Variants in GALNTL6 observed in about 807,000 individuals in gnomAD.
GALNTL6 encodes polypeptide N-acetylgalactosaminyltransferase-like 6.
In GALNTL6, 46 loss-of-function variants were observed where a neutral mutation model predicts 73.7. The observed-to-expected ratio is 0.62, with a 90% CI of 0.49 to 0.80. GALNTL6 has a LOEUF of 0.80. GALNTL6 is among the 30% of genes least tolerant of loss of function. The pLI, the probability that GALNTL6 is intolerant of heterozygous loss-of-function variation, is 0.00. For synonymous variants in GALNTL6, 259 were observed against 263.7 expected (o/e 0.98, Z 0.17); for missense variants, 604 against 755.0 (o/e 0.80, Z 2.34).
rs139507643 is a variant in GALNTL6, at chr4:171,957,229, C to T, written c.138+142511C>T. Among the ~76,000 whole-genome samples, 69 of 152,208 alleles carry T rather than the reference C, an allele frequency of 4.5e-4. 1 individual carries two copies. The East Asian group carries it at 0.012, about 26-fold the overall frequency. ...GACAGATATGTAGGAACTTTATAAA[C>T]GTTAATTAAATCATGTTAAATTAAT... On this transcript the variant is annotated intron_variant, in intron 2 of 12. Coordinates refer to ENST00000506823, the MANE Select transcript of GALNTL6 (RefSeq NM_001034845.3).
At chr4:172,747,063 G>GA (rs1297373830) in intron 5 of GALNTL6, among the ~76,000 whole-genome samples, 2 of 151,892 alleles carry the variant, frequency 1.3e-5, no homozygotes, top group Non-Finnish European at 2.9e-5. Flanking sequence ...GAAAAAATAA[G>GA]AAAAAAGTCC....
At chr4:172,954,350 C>T (rs1749609958) in intron 10 of GALNTL6, among the ~76,000 whole-genome samples, 1 of 152,218 alleles carries the variant, frequency 6.6e-6, no homozygotes. Context: ...GTAGGCGATG[C>T]CAGTGTGTTT....
At chr4:172,182,277 G>T (rs1735272682) in intron 2 of GALNTL6, among the ~76,000 whole-genome samples, 1 of 152,044 alleles carries the variant, frequency 6.6e-6, no homozygotes, top group South Asian at 2.1e-4. Context: ...AACAAATGGA[G>T]TTCTGTTTTC....
chr4:172,828,179 G>A (rs1009962352), intron 7 of GALNTL6, among the ~76,000 whole-genome samples: 4 of 151,060 alleles, frequency 2.6e-5, no homozygotes, highest in Non-Finnish European at 5.9e-5. Flanking sequence ...GGCTGAGGTG[G>A]GAAAATTACT....
intron 5 of GALNTL6, among the ~76,000 whole-genome samples, chr4:172,753,172 A>G (rs1031708048): frequency 6.6e-6 from 1 of 152,100 alleles, no homozygotes; most frequent in Admixed American, 6.5e-5. Context: ...AGTAAGTCTC[A>G]TGAGATCTGA....
At position 172,070,822 on chromosome 4, in the gene GALNTL6, T is replaced by C. The variant is rs982490719; in HGVS notation, c.139-158834T>C. Among the ~76,000 whole-genome samples the C allele has an allele frequency of 8.2e-5, 9 of 110,010 alleles. 3 individuals carry two copies. The highest frequency in any genetic ancestry group is 1.8e-4 in the Non-Finnish European group (9 of 49,446). The allele number at this position is 110,010 out of a possible 152,430, so 72.2% of individuals were successfully genotyped here. A position where few individuals can be genotyped will look rare whatever the true frequency, so the allele number is the denominator to read the frequency against. On this transcript the variant is annotated intron_variant, in intron 2 of 12. Coordinates refer to ENST00000506823, the MANE Select transcript of GALNTL6 (RefSeq NM_001034845.3). ...TATATTACTGAAAGCACTGTTTCTG[T>C]GATGACGCCTTCAAAAAATCATTGA...
At position 172,176,337 on chromosome 4, in the gene GALNTL6, CAAA is replaced by C. The variant is rs562300659; in HGVS notation, c.139-53302_139-53300del. On this transcript the variant is annotated intron_variant, in intron 2 of 12. Transcript: ENST00000506823. ...CCTGGGCGACAGCGAGACTCCGTCT[CAAA>C]AAAAAAAAAAAAAAAAGAGTGTATT... Among the ~76,000 whole-genome samples, 13 of 31,368 alleles carry C rather than the reference CAAA, an allele frequency of 4.1e-4. 1 individual carries two copies. Among genetic ancestry groups the C allele is most frequent in the Non-Finnish European group, 6.3e-4 (12 of 19,160 alleles). The allele number at this position is 31,368 out of a possible 152,430, so 20.6% of individuals were successfully genotyped here. A position where few individuals can be genotyped will look rare whatever the true frequency, so the allele number is the denominator to read the frequency against.
intron 5 of GALNTL6, among the ~76,000 whole-genome samples, chr4:172,434,781 G>C (rs1026846458): frequency 5.9e-5 from 9 of 151,966 alleles, no homozygotes; most frequent in African/African-American, 2.2e-4. Flanking sequence ...ACTCATATGT[G>C]ATAAGTTGTA....
intron 7 of GALNTL6, among the ~76,000 whole-genome samples, chr4:172,837,728 A>C (rs1174307786): frequency 6.6e-6 from 1 of 152,208 alleles, no homozygotes; most frequent in Non-Finnish European, 1.5e-5. Flanking sequence ...CTATGATAAA[A>C]GCAATTCTAA....
At chr4:172,705,446 T>TA (rs1410051855) in intron 5 of GALNTL6, among the ~76,000 whole-genome samples, 24 of 119,116 alleles carry the variant, frequency 2.0e-4, no homozygotes, top group African/African-American at 8.0e-4. Flanking sequence ...AACAATAAAT[T>TA]TAAAAAAAAA....
chr4:172,366,116 T>G (rs1456172762), intron 5 of GALNTL6, among the ~76,000 whole-genome samples: 1 of 152,222 alleles, frequency 6.6e-6, no homozygotes, highest in African/African-American at 2.4e-5. Context: ...TCCTACATTC[T>G]GTATTACTAA....
chr4:172,052,293 A>G (rs1730897565), intron 2 of GALNTL6, among the ~76,000 whole-genome samples: 1 of 152,142 alleles, frequency 6.6e-6, no homozygotes, highest in South Asian at 2.1e-4. Context: ...CAGGACATGT[A>G]CCACACTTCC....
intron 2 of GALNTL6, among the ~76,000 whole-genome samples, chr4:171,940,697 A>T (rs1028602006): frequency 1.3e-5 from 2 of 151,930 alleles, no homozygotes; most frequent in Non-Finnish European, 2.9e-5. Flanking sequence ...TGTGGCATGC[A>T]TCTATAATCC....
intron 5 of GALNTL6, among the ~76,000 whole-genome samples, chr4:172,600,305 A>G (rs1170166302): frequency 6.6e-6 from 1 of 152,146 alleles, no homozygotes; most frequent in Non-Finnish European, 1.5e-5. Context: ...ACTAAGCAGC[A>G]TAGAGCTGTG....
At chr4:171,907,332 C>T (rs1274753401) in intron 2 of GALNTL6, among the ~76,000 whole-genome samples, 1 of 152,160 alleles carries the variant, frequency 6.6e-6, no homozygotes, top group Non-Finnish European at 1.5e-5. Context: ...AAATCACAAG[C>T]ATTCTTATAC....
chr4:172,604,244 T>C (rs1738176878), intron 5 of GALNTL6, among the ~76,000 whole-genome samples: 1 of 152,244 alleles, frequency 6.6e-6, no homozygotes, highest in South Asian at 2.1e-4. Flanking sequence ...GCAGACTAGC[T>C]GTAAGTTGCT....
intron 7 of GALNTL6, among the ~76,000 whole-genome samples, chr4:172,880,242 C>T (rs1250262618): frequency 6.6e-6 from 1 of 151,938 alleles, no homozygotes; most frequent in Admixed American, 6.6e-5. Context: ...CCCCAAACTG[C>T]GAACAACCCA....
intron 3 of GALNTL6, among the ~76,000 whole-genome samples, chr4:172,284,201 A>C (rs1399588112): frequency 6.6e-6 from 1 of 152,240 alleles, no homozygotes; most frequent in Non-Finnish European, 1.5e-5. Flanking sequence ...AATTCATATC[A>C]GTGCAATTAA....
At chr4:172,887,303 A>T (rs1449812484) in intron 8 of GALNTL6, among the ~76,000 whole-genome samples, 2 of 152,132 alleles carry the variant, frequency 1.3e-5, no homozygotes, top group African/African-American at 2.4e-5. Context: ...ATATGAGTGC[A>T]TATGTCTTTT....
Sources: gnomAD v4.1 joint callset for allele counts (sites outside exome capture counted in the v4.1 genomes callset) on GRCh38, gnomAD v4.1.1 for gene constraint, MANE v1.5 for transcripts, NCBI Gene and HGNC (gene_info 2026-07-23, HGNC 2026-07-21) for gene names.